CRLF3: variants seen among roughly 807,000 people sequenced by gnomAD.
The protein encoded by CRLF3 is cytokine receptor-like factor 3.
A neutral mutation model predicts 55.0 loss-of-function variants in CRLF3; 33 were observed. The observed-to-expected ratio is 0.60, with a 90% CI of 0.46 to 0.80. CRLF3 has a LOEUF of 0.80. CRLF3 is among the 30% of genes least tolerant of loss of function. The pLI is 0.00. For synonymous variants in CRLF3, 238 were observed against 196.8 expected (o/e 1.21, Z -1.75); for missense variants, 494 against 538.4 (o/e 0.92, Z 0.82).
chr17:30,792,387 A>G (rs763040461), intron 6 of CRLF3, 53 bp downstream of exon 6: 57 of 1,544,440 alleles, frequency 3.7e-5, no homozygotes, highest in African/African-American at 1.2e-4. Flanking sequence ...TGTATGCTCT[A>G]TGCACTTCAC....
At position 30,783,163 on chromosome 17, in the gene CRLF3, C is replaced by T. The variant is rs1971539779; in HGVS notation, c.*1024G>A. The T allele has an allele frequency of 6.6e-6, 1 of 152,184 alleles. No individual in the cohort carries two copies. The highest frequency in any genetic ancestry group is 6.5e-5 in the Admixed American group (1 of 15,278). The allele number at this position is 152,184 out of a possible 1,614,324, so 9.4% of individuals were successfully genotyped here. A position where few individuals can be genotyped will look rare whatever the true frequency, so the allele number is the denominator to read the frequency against. ...CACAGGCAGATTGGATACACACGTG[C>T]ATATTACATACATATGAAATGGCTA... is the stretch of plus-strand genomic sequence containing the variant. On this transcript the variant is annotated 3_prime_UTR_variant, in exon 8 of 8. Coordinates refer to ENST00000324238, the MANE Select transcript of CRLF3 (RefSeq NM_015986.4).
At chr17:30,790,029 T>A (rs960935532) in intron 6 of CRLF3, among the ~76,000 whole-genome samples, 4 of 152,134 alleles carry the variant, frequency 2.6e-5, no homozygotes, top group African/African-American at 9.7e-5. Context: ...TGTTGGTATT[T>A]TTCTGTTTAC....
At chr17:30,800,639 GTTTTTA>G (rs1228998296) in intron 2 of CRLF3, among the ~76,000 whole-genome samples, 13 of 150,166 alleles carry the variant, frequency 8.7e-5, no homozygotes, top group Non-Finnish European at 1.8e-4. Flanking sequence ...TTGTTTTTTT[GTTTTTA>G]TTTTTAAGAG....
rs9891721 is a variant in CRLF3, at chr17:30,798,415, A to G, written c.338-1017T>C. ...AAAAAGTTACATAGAGGCATATGAT[A>G]TGAAAATGACCAACTTCTATGTCCT... On this transcript the variant is annotated intron_variant, in intron 2 of 7. Coordinates refer to ENST00000324238, the MANE Select transcript of CRLF3 (RefSeq NM_015986.4). 3.3e-3 allele frequency among the ~76,000 whole-genome samples: 498 copies of G among 151,916 alleles called. 2 individuals are homozygous for G. Among genetic ancestry groups the G allele is most frequent in the African/African-American group, 0.012 (480 of 41,456 alleles).
chr17:30,808,769 A>G (rs982571332), intron 1 of CRLF3, among the ~76,000 whole-genome samples: 1 of 150,098 alleles, frequency 6.7e-6, no homozygotes, highest in African/African-American at 2.5e-5. Flanking sequence ...ATTTTTTTGT[A>G]TTTTTAGTAG....
intron 2 of CRLF3, among the ~76,000 whole-genome samples, chr17:30,799,647 G>A (rs1031894023): frequency 6.6e-6 from 1 of 151,898 alleles, no homozygotes; most frequent in African/African-American, 2.4e-5. Flanking sequence ...TAGGATTACA[G>A]GTGCCCACCA....
intron 1 of CRLF3, among the ~76,000 whole-genome samples, chr17:30,822,306 C>A (rs988111979): frequency 6.6e-6 from 1 of 152,120 alleles, no homozygotes; most frequent in African/African-American, 2.4e-5. Context: ...GTACCATAGA[C>A]CTTCCTTAAA....
intron 4 of CRLF3, 75 bp from the exon 5 acceptor site, chr17:30,793,747 A>G: frequency 9.5e-7 from 1 of 1,047,918 alleles, no homozygotes; most frequent in Non-Finnish European, 1.4e-6. Context: ...AAAATTTTGA[A>G]CGGAGCCATT....
Position 30,783,159 on chromosome 17 carries a change from C to T in CRLF3, c.*1028G>A, listed in dbSNP as rs545084049. On this transcript the variant is annotated 3_prime_UTR_variant, in exon 8 of 8. Transcript: ENST00000324238. ...ATGTCACAGGCAGATTGGATACACACGTGCATATTACATACATATGAAATG... is the reference window on the plus strand; with the variant it reads ...ATGTCACAGGCAGATTGGATACACATGTGCATATTACATACATATGAAATG... 3.9e-5 allele frequency: 6 copies of T among 152,280 alleles called. No individual in the cohort carries two copies. The highest frequency in any genetic ancestry group is 1.2e-4 in the African/African-American group (5 of 41,556). The allele number at this position is 152,280 out of a possible 1,614,324, so 9.4% of individuals were successfully genotyped here.
chr17:30,790,596 A>C (rs1255051078), intron 6 of CRLF3: 1 of 141,954 alleles, frequency 7.0e-6, no homozygotes. Flanking sequence ...TTGGCCAGTA[A>C]ATTTTTTTGC....
chr17:30,792,388 T>C, intron 6 of CRLF3, 52 bp downstream of exon 6: 1 of 1,546,202 alleles, frequency 6.5e-7, no homozygotes, highest in Non-Finnish European at 8.9e-7. Flanking sequence ...GTATGCTCTA[T>C]GCACTTCACT....
chr17:30,793,489 T>TC lies in CRLF3; in HGVS notation c.786dup (p.Ser263GlufsTer14). The TC allele has an allele frequency of 2.5e-6, 4 of 1,614,120 alleles. No homozygotes were observed. The highest frequency in any genetic ancestry group is 3.4e-6 in the Non-Finnish European group (4 of 1,180,028). ...GTGGAATGACCTATCTGGGGGACACTCCAAGGACTCCACTCCTGTCGGCCA... is the reference window on the plus strand; with the variant it reads ...GTGGAATGACCTATCTGGGGGACACTCCCAAGGACTCCACTCCTGTCGGCCA... On this transcript the variant is annotated frameshift_variant, in exon 5 of 8. Transcript: ENST00000324238. LOFTEE classifies it high-confidence loss of function.
chr17:30,798,407 C>T (rs2142257924), intron 2 of CRLF3, among the ~76,000 whole-genome samples: 1 of 151,622 alleles, frequency 6.6e-6, no homozygotes, highest in South Asian at 2.1e-4. Context: ...TACATAGAGG[C>T]ATATGATATG....
At chr17:30,808,885 A>G (rs1479757604) in intron 1 of CRLF3, among the ~76,000 whole-genome samples, 2 of 152,106 alleles carry the variant, frequency 1.3e-5, no homozygotes, top group South Asian at 2.1e-4. Flanking sequence ...GAGCCACCGC[A>G]CCCGGCCAAA....
chr17:30,807,908 AAATT>A (rs769909115), intron 1 of CRLF3, among the ~76,000 whole-genome samples: 13 of 152,138 alleles, frequency 8.5e-5, no homozygotes, highest in Non-Finnish European at 1.3e-4. Context: ...GAGAAATCCT[AAATT>A]AATTGTTAAC....
chr17:30,784,324 C>T lies in CRLF3; in HGVS notation c.1192G>A (p.Gly398Arg), dbSNP rs761170871. 11 of 1,613,968 alleles carry T rather than the reference C, an allele frequency of 6.8e-6. No homozygotes were observed. In the South Asian group the frequency reaches 9.9e-5, roughly 14 times the overall value. Residue 398 changes from glycine (G) to arginine (R), a missense_variant, in exon 8 of 8, where the codon GGA (glycine) becomes AGA (arginine). By Grantham distance (125) the Gly-to-Arg change is moderately radical (BLOSUM62 -2). Transcript: ENST00000324238. ...TLGTTSNNEGGHFKLRVTISS... is the reference protein window; with the variant it reads ...TLGTTSNNEGRHFKLRVTISS... ...ATAGTTACTCGAAGCTTGAAGTGTC[C>T]ACCTTCATTATTACTGGTGGTTCCT...
At chr17:30,808,277 ATTTTTTTTTTTTTTT>A (rs71138901) in intron 1 of CRLF3, among the ~76,000 whole-genome samples, 1 of 54,862 alleles carries the variant, frequency 1.8e-5, no homozygotes, top group Non-Finnish European at 3.6e-5. Context: ...TAGAACCTAT[ATTTTTTTTTTTTTTT>A]TTTTTTTTTT....
At chr17:30,824,489 G>T (rs564542360) in intron 1 of CRLF3, 34 bp downstream of exon 1, 3 of 1,558,484 alleles carry the variant, frequency 1.9e-6, no homozygotes, top group South Asian at 2.3e-5. Context: ...CCACCCCCGG[G>T]CCCACAGCGC....
chr17:30,803,758 G>A (rs1330502229), intron 2 of CRLF3, 143 bp downstream of exon 2: 2 of 689,512 alleles, frequency 2.9e-6, no homozygotes, highest in Non-Finnish European at 5.1e-6. Flanking sequence ...CACCTGCCAT[G>A]ATTGTGAGGC....
Sources: allele counts gnomAD v4.1 joint callset (sites outside exome capture counted in the v4.1 genomes callset), GRCh38; gene constraint gnomAD v4.1.1; transcripts MANE v1.5; gene names NCBI Gene and HGNC (gene_info 2026-07-23, HGNC 2026-07-21).